Variants in PARVB observed in about 807,000 individuals in gnomAD.
PARVB encodes the protein parvin beta, also known as beta-parvin.
In PARVB, 46 loss-of-function variants were observed where a neutral mutation model predicts 47.0. That is an observed-to-expected ratio of 0.98 (90% CI 0.77 to 1.25). The LOEUF (loss-of-function observed/expected upper bound fraction) is 1.25. Among genes scored for constraint, PARVB ranks in the 50% most tolerant of loss-of-function variants. The pLI, the probability that PARVB is intolerant of heterozygous loss-of-function variation, is 0.00. For synonymous variants in PARVB, 196 were observed against 196.3 expected (o/e 1.00, Z 0.01); for missense variants, 473 against 471.6 (o/e 1.00, Z -0.03).
At chr22:44,083,932 A>C (rs1451682536) in intron 1 of PARVB, among the ~76,000 whole-genome samples, 1 of 152,144 alleles carries the variant, frequency 6.6e-6, no homozygotes, top group African/African-American at 2.4e-5. Flanking sequence ...TAAAAGCAAA[A>C]CAGAATTCAC....
intron 1 of PARVB, among the ~76,000 whole-genome samples, chr22:44,059,357 TA>T (rs2051378897): frequency 6.6e-6 from 1 of 152,098 alleles, no homozygotes; most frequent in African/African-American, 2.4e-5. Flanking sequence ...CGTGGCTAGT[TA>T]TTAGACTGTT....
intron 8 of PARVB, chr22:44,145,728 C>T (rs1024564495): frequency 1.3e-5 from 2 of 152,316 alleles, no homozygotes; most frequent in African/African-American, 4.8e-5. Context: ...GGCATGGCAG[C>T]CGGCGGAGAG....
intron 4 of PARVB, among the ~76,000 whole-genome samples, chr22:44,123,853 G>C (rs899071757): frequency 2.6e-5 from 4 of 152,256 alleles, no homozygotes; most frequent in African/African-American, 9.6e-5. Flanking sequence ...TTTCATGTCT[G>C]TCCACTGGGA....
intron 2 of PARVB, 57 bp from the exon 3 acceptor site, chr22:44,099,996 C>T: frequency 7.0e-7 from 1 of 1,427,960 alleles, no homozygotes. Context: ...CCCCTGGTTC[C>T]CCGTGTCCCT....
intron 1 of PARVB, among the ~76,000 whole-genome samples, chr22:44,036,440 A>G (rs1601508739): frequency 6.6e-6 from 1 of 152,292 alleles, no homozygotes; most frequent in Middle Eastern, 3.4e-3. Flanking sequence ...GAGTATCTAC[A>G]TATATTTTAT....
At chr22:44,037,380 G>A (rs2050940688) in intron 1 of PARVB, among the ~76,000 whole-genome samples, 1 of 152,134 alleles carries the variant, frequency 6.6e-6, no homozygotes, top group Non-Finnish European at 1.5e-5. Context: ...CTGAGATCGT[G>A]CCACTTTGCT....
chr22:44,076,658 G>A (rs1370634063), intron 1 of PARVB, among the ~76,000 whole-genome samples: 1 of 152,112 alleles, frequency 6.6e-6, no homozygotes, highest in Non-Finnish European at 1.5e-5. Context: ...CCTGGGTCCT[G>A]GGTCTCTGTG....
intron 1 of PARVB, among the ~76,000 whole-genome samples, chr22:44,071,910 C>G (rs78800221): frequency 0.014 from 2,111 of 152,250 alleles, 52 homozygotes; most frequent in African/African-American, 0.049. Flanking sequence ...AAAGCCAGGA[C>G]CCAGGAAGGG....
rs114679882 is a variant in PARVB at position 44,130,376 on chromosome 22, G to A, written c.377-1111G>A. On this transcript the variant is annotated intron_variant, in intron 4 of 12. Transcript: ENST00000338758. Reference sequence around the variant, plus strand: ...CCTGCTGTGTGGCCCTGCAGCGGGCGTGGGGTGGGGCGCTGGTGGCCGGCA... The same window carrying A: ...CCTGCTGTGTGGCCCTGCAGCGGGCATGGGGTGGGGCGCTGGTGGCCGGCA... Among the ~76,000 whole-genome samples, 412 of 152,326 alleles carry A rather than the reference G, an allele frequency of 2.7e-3. 3 individuals carry two copies. The highest frequency in any genetic ancestry group is 9.3e-3 in the African/African-American group (386 of 41,580).
At chr22:44,126,942 C>T (rs2053198074) in intron 4 of PARVB, among the ~76,000 whole-genome samples, 1 of 152,190 alleles carries the variant, frequency 6.6e-6, no homozygotes, top group Middle Eastern at 3.2e-3. Context: ...ATGCCAGTGC[C>T]TTCTATAGAG....
At chr22:44,128,661 C>G (rs991546952) in intron 4 of PARVB, among the ~76,000 whole-genome samples, 1 of 152,254 alleles carries the variant, frequency 6.6e-6, no homozygotes, top group Non-Finnish European at 1.5e-5. Context: ...TCTTTAAATA[C>G]AGGCACATTG....
rs764997712 is a variant in PARVB, at chr22:44,131,528, C to T, written c.418C>T (p.Gln140Ter). The T allele has an allele frequency of 7.4e-6, 12 of 1,614,098 alleles. No homozygotes were observed. In the East Asian group the frequency reaches 2.5e-4, roughly 33 times the overall value. Residue 140 changes from glutamine to a stop codon, truncating the protein, a stop_gained, in exon 5 of 13, where the codon CAG becomes TAG. Transcript: ENST00000338758. LOFTEE classifies it high-confidence loss of function. ...GCKLNVAEVTQSEIGQKQKLQ... is the reference protein window; with the variant it reads ...GCKLNVAEVT ...CAAGCTGAATGTGGCTGAGGTGACA[C>T]AGTCCGAAATAGGGCAGAAACAGAA...
intron 1 of PARVB, among the ~76,000 whole-genome samples, chr22:44,063,968 C>T (rs908858397): frequency 6.6e-6 from 1 of 152,200 alleles, no homozygotes; most frequent in Non-Finnish European, 1.5e-5. Flanking sequence ...GGGTGCGGTG[C>T]GGCCTTTGAT....
chr22:44,106,138 G>GTGTTT (rs2052561482), intron 3 of PARVB: 3 of 69,352 alleles, frequency 4.3e-5, no homozygotes, highest in Middle Eastern at 6.8e-3. Context: ...AGCCAGATGT[G>GTGTTT]TTTTTTTTTT....
rs377587012 is a variant in PARVB at position 44,131,672 on chromosome 22, G to A, written c.517+45G>A. The A allele has an allele frequency of 2.9e-5, 45 of 1,549,928 alleles. No individual in the cohort carries two copies. The South Asian group carries it at 3.0e-4, about 10-fold the overall frequency. ...GGGAGGGACTGTCTGGAGGGAGCCC[G>A]TCCTCTCGACATTCGTCATCCACAT... On this transcript the variant is annotated intron_variant, in intron 5 of 12. Coordinates refer to ENST00000338758, the MANE Select transcript of PARVB (RefSeq NM_013327.5).
intron 1 of PARVB, among the ~76,000 whole-genome samples, chr22:44,081,194 G>A (rs1054255347): frequency 6.6e-6 from 1 of 152,200 alleles, no homozygotes; most frequent in Non-Finnish European, 1.5e-5. Flanking sequence ...GTGCCATGGT[G>A]GTTCTTTGAG....
At chr22:44,135,219 A>G (rs1179362662) in intron 6 of PARVB, among the ~76,000 whole-genome samples, 1 of 150,058 alleles carries the variant, frequency 6.7e-6, no homozygotes, top group Non-Finnish European at 1.5e-5. Flanking sequence ...GCGGGCTGCC[A>G]CCCCTACCAT....
chr22:44,054,040 A>G (rs760820092), intron 1 of PARVB, among the ~76,000 whole-genome samples: 9 of 152,122 alleles, frequency 5.9e-5, no homozygotes, highest in Non-Finnish European at 1.2e-4. Context: ...GTGATCTAAC[A>G]CTAACAGATG....
chr22:44,133,718 G>C (rs927646123), intron 6 of PARVB, among the ~76,000 whole-genome samples: 2 of 152,002 alleles, frequency 1.3e-5, no homozygotes, highest in Non-Finnish European at 2.9e-5. Context: ...TCAAATTTTT[G>C]TAGAGACAAG....
Sources: gnomAD v4.1 joint callset for allele counts (sites outside exome capture counted in the v4.1 genomes callset) on GRCh38, gnomAD v4.1.1 for gene constraint, MANE v1.5 for transcripts, NCBI Gene and HGNC (gene_info 2026-07-23, HGNC 2026-07-21) for gene names.